Variants in MLPH observed in about 807,000 individuals in gnomAD.
MLPH encodes the protein exophilin-3.
MLPH carries 51 observed loss-of-function variants against 72.1 expected under a neutral mutation model. That is an observed-to-expected ratio of 0.71 (90% confidence interval 0.56 to 0.89). MLPH has a LOEUF of 0.89. Ranked by LOEUF, MLPH falls within the 40% of genes least tolerant of loss-of-function variation. MLPH has a pLI of 0.00. For synonymous variants in MLPH, 301 were observed against 310.1 expected (o/e 0.97, Z 0.31); for missense variants, 743 against 759.9 (o/e 0.98, Z 0.26).
intron 8 of MLPH, among the ~76,000 whole-genome samples, chr2:237,530,651 C>T (rs370678143): frequency 6.6e-6 from 1 of 152,184 alleles, no homozygotes; most frequent in Admixed American, 6.5e-5. Context: ...TGAGCATAGC[C>T]GGGCATGAAA....
chr2:237,518,101 G>C (rs995625657), intron 4 of MLPH: 1 of 329,884 alleles, frequency 3.0e-6, no homozygotes, highest in East Asian at 8.1e-5. Context: ...TTGATGATGA[G>C]TGGGTGGATG....
At chr2:237,522,701 A>T (rs1238314625) in intron 6 of MLPH, among the ~76,000 whole-genome samples, 1 of 152,054 alleles carries the variant, frequency 6.6e-6, no homozygotes, top group Admixed American at 6.6e-5. Context: ...TGTATGGTGG[A>T]TGGGAGTCAG....
At chr2:237,509,598 T>C (rs2079847454) in intron 2 of MLPH, among the ~76,000 whole-genome samples, 1 of 152,222 alleles carries the variant, frequency 6.6e-6, no homozygotes, top group Admixed American at 6.5e-5. Context: ...TGGATGGCGG[T>C]ATCCCCCTAG....
intron 1 of MLPH, among the ~76,000 whole-genome samples, chr2:237,488,756 G>C (rs1399138060): frequency 6.6e-6 from 1 of 152,206 alleles, no homozygotes; most frequent in Admixed American, 6.5e-5. Flanking sequence ...CTGAATGTGT[G>C]CCCAGTGAGG....
chr2:237,539,412 A>G (rs1273508166), intron 9 of MLPH, among the ~76,000 whole-genome samples: 2 of 152,242 alleles, frequency 1.3e-5, no homozygotes, highest in African/African-American at 4.8e-5. Flanking sequence ...AGCGAGCTTT[A>G]AAGGGTGAAG....
At position 237,541,362 on chromosome 2, in the gene MLPH, GGTGA is replaced by G. The variant is rs1451524475; in HGVS notation, c.1446+407_1446+410del. Among the ~76,000 whole-genome samples the G allele has an allele frequency of 6.6e-6, 1 of 152,194 alleles. No homozygotes were observed. Among genetic ancestry groups the G allele is most frequent in the African/African-American group, 2.4e-5 (1 of 41,454 alleles). ...GTTGTGGCTGCAGAGCTTGAATCTGGGTGAGGAACCCATCAATAGTGCACAAAGG... is the reference window on the plus strand; with the variant it reads ...GTTGTGGCTGCAGAGCTTGAATCTGGGGAACCCATCAATAGTGCACAAAGG... On this transcript the variant is annotated intron_variant, in intron 11 of 15. Coordinates refer to ENST00000264605, the MANE Select transcript of MLPH (RefSeq NM_024101.7). This position sits in a 1 kb window ranked among gnomAD's most constrained non-coding sequence, Gnocchi z 5.1.
chr2:237,515,745 C>T (rs1450530988), intron 4 of MLPH, among the ~76,000 whole-genome samples: 1 of 152,148 alleles, frequency 6.6e-6, no homozygotes, highest in Non-Finnish European at 1.5e-5. Context: ...GGGGTGGGAC[C>T]CAGCCCTCCA....
intron 9 of MLPH, 57 bp downstream of exon 9, chr2:237,534,704 G>A: frequency 2.2e-6 from 3 of 1,386,498 alleles, no homozygotes; most frequent in Non-Finnish European, 3.1e-6. Context: ...AGTTAAAGGA[G>A]GCTGAAGTGT....
Position 237,549,221 on chromosome 2 carries a change from G to A in MLPH, c.1618G>A (p.Ala540Thr). Residue 540 changes from alanine to threonine, a missense_variant and splice_region_variant, in exon 14 of 16, where the codon GCA becomes ACA. Ala to Thr is a moderately conservative substitution (Grantham distance 58). Transcript: ENST00000264605. ...PNADPSSEAKAMAVPYLLRRK... is the reference protein window; with the variant it reads ...PNADPSSEAKTMAVPYLLRRK... ...CCTGGAGACACTCTGTTTCTTCTAG[G>A]CAATGGCTGTGCCCTATCTTCTGAG... 1.2e-6 allele frequency: 2 copies of A among 1,613,966 alleles called. No homozygotes were observed. The highest frequency in any genetic ancestry group is 1.7e-6 in the Non-Finnish European group (2 of 1,179,894).
rs1425578194 is a variant in MLPH, at chr2:237,554,157, C to T, written c.*565C>T. 2 of 237,480 alleles carry T rather than the reference C, an allele frequency of 8.4e-6. No homozygotes were observed. Among genetic ancestry groups the T allele is most frequent in the Non-Finnish European group, 8.4e-6 (1 of 119,316 alleles). 14.7% of individuals were successfully genotyped at this position (237,480 alleles called of 1,614,324 possible). On this transcript the variant is annotated 3_prime_UTR_variant, in exon 16 of 16. Coordinates refer to ENST00000264605, the MANE Select transcript of MLPH (RefSeq NM_024101.7). ...ACCCCAGTCCCCACCCTACGTGCAC[C>T]CGCTCTGCAAGTTCCCATGTGATCT...
Position 237,552,317 on chromosome 2 carries a change from T to C in MLPH, c.1676-20T>C. The stretch of plus-strand genomic sequence containing the variant: ...TATGTGATTGATAAAGCACCATCCC[T>C]CTTCCTGTTTTCCCCAAAGGTAAAG... On this transcript the variant is annotated intron_variant, in intron 14 of 15. Coordinates refer to ENST00000264605, the MANE Select transcript of MLPH (RefSeq NM_024101.7). 1 of 1,608,936 alleles carries C rather than the reference T, an allele frequency of 6.2e-7. No individual in the cohort carries two copies. Among genetic ancestry groups the C allele is most frequent in the Non-Finnish European group, 8.5e-7 (1 of 1,175,280 alleles).
At chr2:237,503,524 C>T (rs922740144) in intron 2 of MLPH, among the ~76,000 whole-genome samples, 1 of 152,172 alleles carries the variant, frequency 6.6e-6, no homozygotes, top group African/African-American at 2.4e-5. Flanking sequence ...GCCGTCTTTC[C>T]GTCCTCTGCC....
chr2:237,553,696 C>A lies in MLPH; in HGVS notation c.*104C>A. 1 of 1,514,114 alleles carries A rather than the reference C, an allele frequency of 6.6e-7. No homozygotes were observed. The highest frequency in any genetic ancestry group is 9.2e-7 in the Non-Finnish European group (1 of 1,088,952). The allele number at this position is 1,514,114 out of a possible 1,614,324, so 93.8% of individuals were successfully genotyped here. A position where few individuals can be genotyped will look rare whatever the true frequency, so the allele number is the denominator to read the frequency against. On this transcript the variant is annotated 3_prime_UTR_variant, in exon 16 of 16. Transcript: ENST00000264605. ...GCTTTCCACTATACACAGTCACCGT[C>A]CCAATGAGAAACAAGAAGGAGCACC... is the stretch of plus-strand genomic sequence containing the variant.
intron 4 of MLPH, among the ~76,000 whole-genome samples, chr2:237,513,723 C>G (rs537270797): frequency 2.0e-5 from 3 of 152,228 alleles, no homozygotes; most frequent in South Asian, 2.1e-4. Flanking sequence ...ATCACCCTGA[C>G]AGGTGGGTCC....
chr2:237,492,088 A>G (rs2079439232), intron 1 of MLPH, among the ~76,000 whole-genome samples: 1 of 152,212 alleles, frequency 6.6e-6, no homozygotes, highest in Admixed American at 6.5e-5. Context: ...TGTACTTCTA[A>G]CAAGTTCCCA....
intron 8 of MLPH, among the ~76,000 whole-genome samples, chr2:237,530,224 A>T (rs112811763): frequency 0.011 from 1,695 of 152,330 alleles, 31 homozygotes; most frequent in African/African-American, 0.038. Context: ...AACAGGAAGT[A>T]TGCAGTAGGC....
intron 9 of MLPH, among the ~76,000 whole-genome samples, chr2:237,537,321 G>C (rs992361205): frequency 2.6e-5 from 4 of 152,186 alleles, no homozygotes; most frequent in Non-Finnish European, 5.9e-5. Flanking sequence ...CTTACAAAGC[G>C]AAGACAATCC....
At chr2:237,542,831 G>C (rs374314339) in intron 12 of MLPH, among the ~76,000 whole-genome samples, 172 bp downstream of exon 12, 2 of 37,134 alleles carry the variant, frequency 5.4e-5, no homozygotes, top group Non-Finnish European at 8.8e-5. Context: ...GGGGACAGTG[G>C]TGAGTGGGGG....
At chr2:237,527,247 T>C in intron 7 of MLPH, 130 bp from the exon 8 acceptor site, 1 of 1,163,396 alleles carries the variant, frequency 8.6e-7, no homozygotes, top group Non-Finnish European at 1.3e-6. Context: ...CTTTGGAACC[T>C]CAGCCCTGTA....
Sources: allele counts gnomAD v4.1 joint callset (sites outside exome capture counted in the v4.1 genomes callset), GRCh38; gene constraint gnomAD v4.1.1; non-coding constraint Gnocchi (gnomAD v3.1); transcripts MANE v1.5; gene names NCBI Gene and HGNC (gene_info 2026-07-23, HGNC 2026-07-21).